Variants in PDK1 observed in about 807,000 individuals in gnomAD.
The protein encoded by PDK1 is pyruvate dehydrogenase kinase 1, also known as [Pyruvate dehydrogenase (acetyl-transferring)] kinase isozyme 1, mitochondrial.
In PDK1, 39 loss-of-function variants were observed where a neutral mutation model predicts 54.2. That is an observed-to-expected ratio of 0.72 (90% CI 0.56 to 0.94). The LOEUF is 0.94. Ranked by LOEUF, PDK1 falls within the 40% of genes least tolerant of loss-of-function variation. The pLI is 0.00. For missense variants in PDK1, 552 were observed against 566.0 expected, an observed-to-expected ratio of 0.98 and a Z score of 0.25; for synonymous variants, 221 against 207.1, an observed-to-expected ratio of 1.07 and a Z score of -0.58.
rs1294770578 is a variant in PDK1, at chr2:172,607,247, T to G, written c.*11278T>G. 3 of 152,244 alleles carry G rather than the reference T, an allele frequency of 2.0e-5. No homozygotes were observed. Among genetic ancestry groups the G allele is most frequent in the Non-Finnish European group, 4.4e-5 (3 of 68,034 alleles). 9.4% of individuals were successfully genotyped at this position (152,244 alleles called of 1,614,324 possible). A position where few individuals can be genotyped will look rare whatever the true frequency, so the allele number is the denominator to read the frequency against. On this transcript the variant is annotated 3_prime_UTR_variant, in exon 11 of 11. Coordinates refer to ENST00000282077, the MANE Select transcript of PDK1 (RefSeq NM_002610.5). Reference sequence around the variant, plus strand: ...TCCAGGCTGCAGTGAGCTATGATTGTGCTGCTGCACTCCAGCCTGGGTGAC... The same window carrying G: ...TCCAGGCTGCAGTGAGCTATGATTGGGCTGCTGCACTCCAGCCTGGGTGAC...
the PDK1 span, among the ~76,000 whole-genome samples, chr2:172,643,176 TTAC>T: frequency 1.3e-5 from 2 of 152,214 alleles, no homozygotes; most frequent in African/African-American, 4.8e-5. Context: ...CCAAATGGTG[TTAC>T]TGCATTAGCT....
At chr2:172,558,566 T>G in intron 1 of PDK1, 142 bp from the exon 2 acceptor site, 1 of 679,650 alleles carries the variant, frequency 1.5e-6, no homozygotes, top group Non-Finnish European at 2.4e-6. Flanking sequence ...AGGTGTATCT[T>G]TGCCTCCTAT....
chr2:172,581,077 A>G (rs1689878126), intron 8 of PDK1, among the ~76,000 whole-genome samples: 1 of 152,178 alleles, frequency 6.6e-6, no homozygotes, highest in East Asian at 1.9e-4. Flanking sequence ...AAGTGCATTA[A>G]TTATATGGTA....
chr2:172,711,893 A>T, the PDK1 span, among the ~76,000 whole-genome samples: 1 of 148,868 alleles, frequency 6.7e-6, no homozygotes, highest in Non-Finnish European at 1.5e-5. Flanking sequence ...AAAAAAAAAA[A>T]GAGTTCCCTT....
chr2:172,664,745 T>C, the PDK1 span, among the ~76,000 whole-genome samples: 3 of 152,204 alleles, frequency 2.0e-5, no homozygotes, highest in Non-Finnish European at 4.4e-5. Context: ...TATGCCTTTC[T>C]TATTCTCCTC....
At chr2:172,627,460 C>G in the PDK1 span, among the ~76,000 whole-genome samples, 1 of 152,150 alleles carries the variant, frequency 6.6e-6, no homozygotes, top group Non-Finnish European at 1.5e-5. Flanking sequence ...CAGCAGAACA[C>G]AGAACATGCT....
At chr2:172,664,480 T>C in the PDK1 span, among the ~76,000 whole-genome samples, 2 of 152,136 alleles carry the variant, frequency 1.3e-5, no homozygotes, top group Non-Finnish European at 1.5e-5. Context: ...CTAATAGTTT[T>C]ACTAGGTTCT....
At chr2:172,557,122 C>T (rs530433960) in intron 1 of PDK1, among the ~76,000 whole-genome samples, 33 of 152,284 alleles carry the variant, frequency 2.2e-4, no homozygotes, top group Non-Finnish European at 4.4e-4. Flanking sequence ...TGAACGATAC[C>T]TGCATGGTTG....
At chr2:172,593,116 G>T (rs1239407787) in intron 10 of PDK1, 68 bp downstream of exon 10, 2 of 823,030 alleles carry the variant, frequency 2.4e-6, no homozygotes, top group East Asian at 2.7e-5. Flanking sequence ...ATACTTAACT[G>T]TAATGAAATT....
chr2:172,584,078 T>G (rs1347476432), intron 8 of PDK1, among the ~76,000 whole-genome samples: 1 of 152,280 alleles, frequency 6.6e-6, no homozygotes, highest in Admixed American at 6.5e-5. Flanking sequence ...AAAAATGATA[T>G]GAAAATGTAA....
the PDK1 span, among the ~76,000 whole-genome samples, chr2:172,663,599 G>C: frequency 6.6e-6 from 1 of 152,126 alleles, no homozygotes; most frequent in Non-Finnish European, 1.5e-5. Flanking sequence ...CCAGGTGGGA[G>C]GGGGTCCTGG....
At chr2:172,714,606 T>C in the PDK1 span, among the ~76,000 whole-genome samples, 1 of 136,794 alleles carries the variant, frequency 7.3e-6, no homozygotes, top group Non-Finnish European at 1.6e-5. Flanking sequence ...ATAAATGTAT[T>C]ATTAAATTTG....
At chr2:172,671,891 A>C in the PDK1 span, among the ~76,000 whole-genome samples, 2 of 152,220 alleles carry the variant, frequency 1.3e-5, no homozygotes, top group African/African-American at 4.8e-5. Flanking sequence ...GAGAAGGGAA[A>C]ACAAGATAAA....
rs1688429450 is a variant in PDK1 at position 172,557,777 on chromosome 2, C to T, written c.197-931C>T. On this transcript the variant is annotated intron_variant, in intron 1 of 10. Transcript: ENST00000282077. ...GGTGTGAGCCACCATGCCCGGACTGCACTTAATCTTTGCTTATGGTAATTA... is the reference window on the plus strand; with the variant it reads ...GGTGTGAGCCACCATGCCCGGACTGTACTTAATCTTTGCTTATGGTAATTA... 2.0e-5 allele frequency among the ~76,000 whole-genome samples: 3 copies of T among 151,792 alleles called. 1 individual carries two copies. The highest frequency in any genetic ancestry group is 2.0e-4 in the Admixed American group (3 of 15,232).
the PDK1 span, among the ~76,000 whole-genome samples, chr2:172,657,332 A>T: frequency 6.6e-6 from 1 of 150,578 alleles, no homozygotes; most frequent in Non-Finnish European, 1.5e-5. Flanking sequence ...GGTCAGAAGA[A>T]TTGTTGATTT....
chr2:172,586,346 T>C lies in PDK1; in HGVS notation c.1014T>C (p.Thr338=), dbSNP rs36014095. The change falls in exon 9 of 11, where the codon ACT becomes ACC. Residue 338 remains threonine, a synonymous_variant. Coordinates refer to ENST00000282077, the MANE Select transcript of PDK1 (RefSeq NM_002610.5). The part of the protein sequence containing the change: ...IDRLFNYMYS[T]APRPRVETSR... ...GACTTTTCAACTACATGTATTCAAC[T>C]GCACCAAGACCTCGTGTTGAGACCT... 30,215 of 1,612,760 alleles carry C rather than the reference T, an allele frequency of 0.019. 429 individuals carry two copies. The highest frequency in any genetic ancestry group is 0.05 in the South Asian group (4,584 of 91,036).
the PDK1 span, among the ~76,000 whole-genome samples, chr2:172,709,620 A>G: frequency 0.23 from 35,025 of 152,056 alleles, 5,633 homozygotes; most frequent in African/African-American, 0.46. Flanking sequence ...AGTTACCACC[A>G]TTCAGTTAAA....
the PDK1 span, among the ~76,000 whole-genome samples, chr2:172,648,244 C>T: frequency 6.6e-6 from 1 of 152,082 alleles, no homozygotes; most frequent in Non-Finnish European, 1.5e-5. Flanking sequence ...TACTAATTGT[C>T]CTATGGTTAG....
intron 3 of PDK1, among the ~76,000 whole-genome samples, chr2:172,563,726 A>T (rs1052512821): frequency 1.3e-5 from 2 of 152,078 alleles, no homozygotes; most frequent in African/African-American, 4.8e-5. Flanking sequence ...CCGGCTACTC[A>T]GGAAGGCTGA....
Sources: allele counts gnomAD v4.1 joint callset (sites outside exome capture counted in the v4.1 genomes callset), GRCh38; gene constraint gnomAD v4.1.1; transcripts MANE v1.5; gene names NCBI Gene and HGNC (gene_info 2026-07-23, HGNC 2026-07-21).